The following MTHFD1L variants were observed in gnomAD, a reference collection of about 807,000 sequenced individuals.
MTHFD1L encodes the protein monofunctional C1-tetrahydrofolate synthase, mitochondrial.
A neutral mutation model predicts 119.5 loss-of-function variants in MTHFD1L; 81 were observed. That is an observed-to-expected ratio of 0.68 (90% CI 0.57 to 0.82). The LOEUF (loss-of-function observed/expected upper bound fraction) is 0.82. MTHFD1L is among the 40% of genes least tolerant of loss of function. MTHFD1L has a pLI of 0.00. For missense variants in MTHFD1L, 1,125 were observed against 1,253.4 expected (o/e 0.90, Z 1.55); for synonymous variants, 430 against 475.2 (o/e 0.90, Z 1.24).
At chr6:151,045,479 CAA>C (rs1369974970) in intron 26 of MTHFD1L, among the ~76,000 whole-genome samples, 1 of 152,230 alleles carries the variant, frequency 6.6e-6, no homozygotes, top group Non-Finnish European at 1.5e-5. Context: ...GCTTATTTTA[CAA>C]AAGTCTTTGA....
intron 20 of MTHFD1L, among the ~76,000 whole-genome samples, chr6:150,983,169 C>T (rs576188739): frequency 6.6e-6 from 1 of 152,164 alleles, no homozygotes; most frequent in African/African-American, 2.4e-5. Context: ...TTATAGATTC[C>T]GAATACGAAT....
At chr6:151,011,464 C>G (rs527777807) in intron 21 of MTHFD1L, among the ~76,000 whole-genome samples, 64 of 151,712 alleles carry the variant, frequency 4.2e-4, no homozygotes, top group African/African-American at 1.5e-3. Flanking sequence ...CACAGGGAGA[C>G]GCAGTGACTT....
intron 20 of MTHFD1L, among the ~76,000 whole-genome samples, chr6:150,996,591 A>G (rs1266020734): frequency 1.3e-5 from 2 of 151,992 alleles, no homozygotes. Context: ...CATATATTAC[A>G]TTTGTGGACT....
chr6:150,952,668 T>TTG (rs1261951523), intron 16 of MTHFD1L, among the ~76,000 whole-genome samples: 6 of 152,138 alleles, frequency 3.9e-5, no homozygotes, highest in Admixed American at 3.9e-4. Context: ...TAGCTGGGAC[T>TTG]ACAGGCATGC....
chr6:150,960,965 G>C (rs1562458994), intron 18 of MTHFD1L, among the ~76,000 whole-genome samples: 1 of 151,944 alleles, frequency 6.6e-6, no homozygotes, highest in Non-Finnish European at 1.5e-5. Flanking sequence ...CCTTTGAGTA[G>C]TTGTGGTGCT....
intron 20 of MTHFD1L, among the ~76,000 whole-genome samples, chr6:150,979,993 T>C (rs1471348095): frequency 6.6e-6 from 1 of 151,698 alleles, no homozygotes; most frequent in African/African-American, 2.4e-5. Flanking sequence ...AAAAAAAAAA[T>C]CTGACGTCAA....
At chr6:150,960,739 A>T (rs1004931580) in intron 18 of MTHFD1L, among the ~76,000 whole-genome samples, 8 of 152,122 alleles carry the variant, frequency 5.3e-5, no homozygotes, top group African/African-American at 1.7e-4. Flanking sequence ...GGTGACTTTT[A>T]AAAAATGTAC....
At chr6:151,014,242 C>T (rs775120916) in intron 22 of MTHFD1L, among the ~76,000 whole-genome samples, 17 of 151,994 alleles carry the variant, frequency 1.1e-4, no homozygotes, top group Admixed American at 2.0e-4. Flanking sequence ...TCTAAGAATC[C>T]GAGAGGAAAT....
At chr6:151,085,102 G>C (rs973825343) in intron 26 of MTHFD1L, among the ~76,000 whole-genome samples, 2 of 149,916 alleles carry the variant, frequency 1.3e-5, no homozygotes, top group Non-Finnish European at 3.0e-5. Context: ...TTTTATTTAT[G>C]TAATTTAATA....
intron 26 of MTHFD1L, among the ~76,000 whole-genome samples, chr6:151,046,438 G>A (rs1788023267): frequency 7.8e-6 from 1 of 127,956 alleles, no homozygotes; most frequent in African/African-American, 3.0e-5. Context: ...TCATACAACT[G>A]GTAATATATA....
chr6:151,100,163 A>C (rs140158615), intron 27 of MTHFD1L, among the ~76,000 whole-genome samples: 1,770 of 151,534 alleles, frequency 0.012, 62 homozygotes, highest in Admixed American at 0.081. Flanking sequence ...CCTCCAGAGT[A>C]GCTGGGACTA....
At chr6:150,994,548 A>G (rs1396735618) in intron 20 of MTHFD1L, among the ~76,000 whole-genome samples, 1 of 152,194 alleles carries the variant, frequency 6.6e-6, no homozygotes, top group African/African-American at 2.4e-5. Context: ...CAGGTGGTCA[A>G]CCAGAGTTTA....
intron 24 of MTHFD1L, among the ~76,000 whole-genome samples, chr6:151,018,371 G>A (rs1404019727): frequency 6.6e-6 from 1 of 152,194 alleles, no homozygotes; most frequent in Non-Finnish European, 1.5e-5. Flanking sequence ...GAACGGGGCT[G>A]ATGTATTAAT....
chr6:151,084,970 G>GAAA (rs3055594), intron 26 of MTHFD1L, among the ~76,000 whole-genome samples: 50 of 120,142 alleles, frequency 4.2e-4, no homozygotes, highest in African/African-American at 1.6e-3. Flanking sequence ...CCATCTCAAA[G>GAAA]AAAAAAAAAA....
At chr6:150,968,144 C>T (rs1052813199) in intron 19 of MTHFD1L, among the ~76,000 whole-genome samples, 1 of 152,000 alleles carries the variant, frequency 6.6e-6, no homozygotes, top group African/African-American at 2.4e-5. Flanking sequence ...AGCCCCCGTC[C>T]CTCTGCTGTC....
At chr6:151,046,469 GTGTATATATATATA>G (rs1450321095) in intron 26 of MTHFD1L, among the ~76,000 whole-genome samples, 31,172 of 116,698 alleles carry the variant, frequency 0.27, 5,136 homozygotes, top group South Asian at 0.36. Flanking sequence ...ATATGTGTGT[GTGTATATATATATA>G]TATATATATA....
intron 24 of MTHFD1L, among the ~76,000 whole-genome samples, chr6:151,029,344 C>T (rs1785020596): frequency 6.6e-6 from 1 of 151,448 alleles, no homozygotes; most frequent in Admixed American, 6.6e-5. Flanking sequence ...ATTGCTTGAC[C>T]CAGAAGGCAG....
intron 21 of MTHFD1L, among the ~76,000 whole-genome samples, chr6:151,011,398 A>G (rs1157668524): frequency 1.3e-5 from 2 of 149,992 alleles, no homozygotes; most frequent in African/African-American, 2.5e-5. Context: ...AATTATAGAA[A>G]GGGCTTAGAG....
chr6:151,055,765 A>T (rs1286456019), intron 26 of MTHFD1L: 2 of 152,198 alleles, frequency 1.3e-5, no homozygotes, highest in African/African-American at 4.8e-5. Flanking sequence ...ACCTCGGGTG[A>T]TCTGCCTGCC....
Sources: gnomAD v4.1 joint callset for allele counts (sites outside exome capture counted in the v4.1 genomes callset) on GRCh38, gnomAD v4.1.1 for gene constraint, MANE v1.5 for transcripts, NCBI Gene and HGNC (gene_info 2026-07-23, HGNC 2026-07-21) for gene names.